The following SBF2 variants were observed in gnomAD, a reference collection of about 807,000 sequenced individuals.
SBF2 encodes the protein myotubularin-related protein 13.
Under a neutral mutation model 225.2 loss-of-function variants are expected in SBF2, and 112 were observed. The observed-to-expected ratio is 0.50, with a 90% CI of 0.43 to 0.58. The LOEUF is 0.58. Ranked by LOEUF, SBF2 falls within the 20% of genes least tolerant of loss-of-function variation. The pLI is 0.00. For synonymous variants in SBF2, 763 were observed against 773.3 expected, an observed-to-expected ratio of 0.99 and a Z score of 0.22; for missense variants, 1,996 against 2,206.2, an observed-to-expected ratio of 0.90 and a Z score of 1.91.
intron 17 of SBF2, among the ~76,000 whole-genome samples, chr11:9,883,023 A>G (rs1173216034): frequency 6.6e-6 from 1 of 152,076 alleles, no homozygotes; most frequent in Non-Finnish European, 1.5e-5. Context: ...AATTCCAGCT[A>G]CTAGGGAAGC....
chr11:9,801,804 C>T (rs1853506669), intron 32 of SBF2, among the ~76,000 whole-genome samples: 1 of 152,216 alleles, frequency 6.6e-6, no homozygotes, highest in Non-Finnish European at 1.5e-5. Context: ...AATCCATTAG[C>T]TACAGCTATT....
chr11:9,867,904 T>C (rs12270313), intron 17 of SBF2, among the ~76,000 whole-genome samples: 4,541 of 152,170 alleles, frequency 0.03, 231 homozygotes, highest in African/African-American at 0.1. Flanking sequence ...GGTAAATGGG[T>C]ACAGAAATAC....
chr11:10,047,115 G>A (rs1400958022), intron 2 of SBF2, among the ~76,000 whole-genome samples: 1 of 152,058 alleles, frequency 6.6e-6, no homozygotes, highest in Non-Finnish European at 1.5e-5. Flanking sequence ...TCTGATGAAA[G>A]AAATCAAAGA....
chr11:9,824,034 A>C (rs1854925067), intron 28 of SBF2, among the ~76,000 whole-genome samples: 1 of 152,230 alleles, frequency 6.6e-6, no homozygotes. Context: ...TTTTCAGCAG[A>C]AAGTATTTGA....
chr11:10,107,585 G>A (rs114718217), intron 2 of SBF2, among the ~76,000 whole-genome samples: 128 of 152,244 alleles, frequency 8.4e-4, no homozygotes, highest in African/African-American at 3.0e-3. Flanking sequence ...GGCAGGATTG[G>A]TTCATTCTGG....
chr11:10,245,308 C>T (rs1162936624), intron 1 of SBF2, among the ~76,000 whole-genome samples: 2 of 150,368 alleles, frequency 1.3e-5, no homozygotes, highest in Admixed American at 6.6e-5. Flanking sequence ...ACTCAAGAAC[C>T]CGAGTCAGGA....
chr11:10,173,146 C>G (rs186689845), intron 2 of SBF2, among the ~76,000 whole-genome samples: 5 of 152,078 alleles, frequency 3.3e-5, no homozygotes, highest in African/African-American at 1.2e-4. Flanking sequence ...AAAACTTAGT[C>G]AGGAGAGGAG....
At chr11:9,900,029 CT>C (rs72178587) in intron 16 of SBF2, among the ~76,000 whole-genome samples, 89 of 133,248 alleles carry the variant, frequency 6.7e-4, no homozygotes, top group Middle Eastern at 7.6e-3. Flanking sequence ...TCCTTTTCTT[CT>C]TTTTTTTTTT....
chr11:9,837,390 C>T (rs1564898655), intron 26 of SBF2, among the ~76,000 whole-genome samples: 1 of 152,188 alleles, frequency 6.6e-6, no homozygotes, highest in African/African-American at 2.4e-5. Context: ...AATAAATTTA[C>T]ATAAATAAAA....
At chr11:9,806,672 A>G (rs532337148) in intron 32 of SBF2, among the ~76,000 whole-genome samples, 21 of 152,336 alleles carry the variant, frequency 1.4e-4, no homozygotes, top group African/African-American at 4.8e-4. Context: ...GGACAGATCA[A>G]TTGAAATTCG....
chr11:10,172,435 T>A (rs1417997774), intron 2 of SBF2, among the ~76,000 whole-genome samples: 1 of 152,062 alleles, frequency 6.6e-6, no homozygotes, highest in Non-Finnish European at 1.5e-5. Flanking sequence ...CACTGCAACC[T>A]CCACCTCCCA....
chr11:9,850,860 G>C (rs2133983937), intron 21 of SBF2, among the ~76,000 whole-genome samples: 2 of 152,258 alleles, frequency 1.3e-5, no homozygotes, highest in Middle Eastern at 6.8e-3. Context: ...AGAAGGCTGG[G>C]TGCAGTGGCT....
chr11:10,304,509 C>T (rs1964630268), exon 1 of SBF2, among the ~76,000 whole-genome samples: 1 of 152,220 alleles, frequency 6.6e-6, no homozygotes, highest in South Asian at 2.1e-4. Context: ...CCCCGAAACG[C>T]CGGGGTCTTG....
intron 2 of SBF2, among the ~76,000 whole-genome samples, chr11:10,077,707 C>T (rs895364552): frequency 1.3e-5 from 2 of 152,172 alleles, no homozygotes; most frequent in African/African-American, 4.8e-5. Flanking sequence ...GTAGGCAATA[C>T]CATGTAGCAC....
intron 36 of SBF2, among the ~76,000 whole-genome samples, chr11:9,787,236 G>GA (rs1852433819): frequency 6.6e-6 from 1 of 152,122 alleles, no homozygotes; most frequent in Admixed American, 6.5e-5. Context: ...GTCAGAAACA[G>GA]AAAAGGGACT....
At chr11:10,172,513 G>C (rs567813750) in intron 2 of SBF2, among the ~76,000 whole-genome samples, 74 of 152,070 alleles carry the variant, frequency 4.9e-4, no homozygotes, top group African/African-American at 1.7e-3. Flanking sequence ...CACCGCGCCC[G>C]GCTAATTTTT....
At chr11:9,896,581 C>A (rs1354689750) in intron 16 of SBF2, among the ~76,000 whole-genome samples, 1 of 152,224 alleles carries the variant, frequency 6.6e-6, no homozygotes, top group East Asian at 1.9e-4. Flanking sequence ...CACCTGAGGT[C>A]AGGAGTTCGA....
At chr11:9,858,142 GT>G (rs540451232) in intron 18 of SBF2, 83 bp downstream of exon 18, 34 of 1,506,750 alleles carry the variant, frequency 2.3e-5, no homozygotes, top group African/African-American at 4.1e-5. Flanking sequence ...AGTAGCTAGA[GT>G]TTTTTTTGCC....
intron 2 of SBF2, among the ~76,000 whole-genome samples, chr11:10,172,053 G>A (rs1007019125): frequency 2.9e-4 from 44 of 151,848 alleles, no homozygotes; most frequent in African/African-American, 1.1e-3. Flanking sequence ...TCAGGCTAAA[G>A]GTTTGTCAAT....
Sources: allele counts gnomAD v4.1 joint callset (sites outside exome capture counted in the v4.1 genomes callset), GRCh38; gene constraint gnomAD v4.1.1; transcripts MANE v1.5; gene names NCBI Gene and HGNC (gene_info 2026-07-23, HGNC 2026-07-21).